The following CSMD3 variants were observed in gnomAD, a reference collection of about 807,000 sequenced individuals.
CSMD3 encodes the protein CUB and Sushi multiple domains 3.
CSMD3 carries 177 observed loss-of-function variants against 435.2 expected under a neutral mutation model. That is an observed-to-expected ratio of 0.41 (90% CI 0.36 to 0.46). The LOEUF is 0.46. CSMD3 is among the 20% of genes least tolerant of loss of function. The pLI, the probability that CSMD3 is intolerant of heterozygous loss-of-function variation, is 0.34. For missense variants in CSMD3, 4,265 were observed against 4,504.6 expected, an observed-to-expected ratio of 0.95 and a Z score of 1.52; for synonymous variants, 1,656 against 1,520.5, an observed-to-expected ratio of 1.09 and a Z score of -2.07.
At position 112,479,912 on chromosome 8, in the gene CSMD3, G is replaced by T. The variant is rs564016966; in HGVS notation, c.5279-7205C>A. Among the ~76,000 whole-genome samples the T allele has an allele frequency of 7.8e-4, 118 of 152,252 alleles. No homozygotes were observed. The Middle Eastern group carries it at 0.01, about 13-fold the overall frequency. On this transcript the variant is annotated intron_variant, in intron 31 of 70. Transcript: ENST00000297405. ...CCAAGGCACTACCTTATGGAGTTGT[G>T]GGAAGTAGGCCACCACCCTCCAGAC...
At chr8:113,264,432 G>T (rs192736577) in intron 3 of CSMD3, among the ~76,000 whole-genome samples, 2 of 150,908 alleles carry the variant, frequency 1.3e-5, no homozygotes, top group Non-Finnish European at 3.0e-5. Flanking sequence ...GAAATTCATT[G>T]TGAAACAGGA....
chr8:112,878,969 G>A (rs908610006), intron 10 of CSMD3, among the ~76,000 whole-genome samples: 3 of 152,030 alleles, frequency 2.0e-5, no homozygotes, highest in South Asian at 2.1e-4. Context: ...TGATGATTGC[G>A]TTAACTGCAC....
At chr8:113,028,147 TCATAA>T (rs1234817012) in intron 5 of CSMD3, among the ~76,000 whole-genome samples, 1 of 152,122 alleles carries the variant, frequency 6.6e-6, no homozygotes, top group Non-Finnish European at 1.5e-5. Flanking sequence ...TTAATAATTC[TCATAA>T]CATGTCAAAA....
chr8:113,283,173 G>T (rs1851342), intron 2 of CSMD3, among the ~76,000 whole-genome samples: 1 of 151,894 alleles, frequency 6.6e-6, no homozygotes, highest in Non-Finnish European at 1.5e-5. Context: ...CATTGGCTTA[G>T]GCAAGGATTT....
At chr8:112,628,873 T>A (rs1384721773) in intron 22 of CSMD3, among the ~76,000 whole-genome samples, 1 of 152,088 alleles carries the variant, frequency 6.6e-6, no homozygotes, top group Non-Finnish European at 1.5e-5. Flanking sequence ...TAGGCCAAAT[T>A]ATGGAGTGGA....
rs563666111 is a variant in CSMD3, at chr8:113,395,747, A to G, written c.178+40930T>C. Among the ~76,000 whole-genome samples, 14 of 152,296 alleles carry G rather than the reference A, an allele frequency of 9.2e-5. No individual in the cohort carries two copies. The South Asian group carries it at 2.9e-3, about 32-fold the overall frequency. ...AATTTCCTGGCATTTAACTTTCTCT[A>G]ATTACAGAGCCTTCTGCCATCGTTG... On this transcript the variant is annotated intron_variant, in intron 1 of 70. Coordinates refer to ENST00000297405, the MANE Select transcript of CSMD3 (RefSeq NM_198123.2).
chr8:112,713,535 A>G (rs528105293), intron 13 of CSMD3, among the ~76,000 whole-genome samples: 1 of 152,238 alleles, frequency 6.6e-6, no homozygotes, highest in South Asian at 2.1e-4. Context: ...TCCCCATCCT[A>G]GCAAGAGAGG....
At chr8:112,894,425 A>G (rs1467502741) in intron 10 of CSMD3, among the ~76,000 whole-genome samples, 5 of 151,366 alleles carry the variant, frequency 3.3e-5, no homozygotes, top group African/African-American at 1.2e-4. Context: ...GTATAAAAAT[A>G]AAAGATAATA....
At chr8:113,161,642 C>T (rs1442671652) in intron 4 of CSMD3, among the ~76,000 whole-genome samples, 1 of 151,990 alleles carries the variant, frequency 6.6e-6, no homozygotes, top group Non-Finnish European at 1.5e-5. Context: ...GATACTTTTA[C>T]CGGAACAGTA....
intron 3 of CSMD3, among the ~76,000 whole-genome samples, chr8:113,217,947 A>T (rs2092924363): frequency 6.6e-6 from 1 of 151,282 alleles, no homozygotes; most frequent in Admixed American, 6.6e-5. Context: ...AAAAAAGTAA[A>T]CTCAGCTAGA....
At chr8:112,962,456 T>C (rs571001816) in intron 7 of CSMD3, among the ~76,000 whole-genome samples, 18 of 151,982 alleles carry the variant, frequency 1.2e-4, no homozygotes, top group Non-Finnish European at 2.1e-4. Context: ...AGTTAATGAC[T>C]TTCTTCAGAC....
chr8:112,645,147 A>T lies in CSMD3; in HGVS notation c.3272T>A (p.Leu1091Gln), dbSNP rs2131612605. 1 of 1,605,308 alleles carries T rather than the reference A, an allele frequency of 6.2e-7. No individual in the cohort carries two copies. Among genetic ancestry groups the T allele is most frequent in the Non-Finnish European group, 8.5e-7 (1 of 1,172,030 alleles). ...PGYPEFYPNS[L>Q]NCTWTVDVTH... ...TACATCAACAGTCCATGTACAATTC[A>T]GAGAATTTGGATAAAATTCCGGGTA... The change falls in exon 20 of 71, where the codon CTG (leucine) becomes CAG (glutamine). Residue 1091 changes from leucine to glutamine, a missense_variant. Transcript: ENST00000297405.
chr8:112,971,012 C>T (rs548478614), intron 7 of CSMD3, among the ~76,000 whole-genome samples: 6 of 152,232 alleles, frequency 3.9e-5, no homozygotes, highest in African/African-American at 9.6e-5. Flanking sequence ...TGGGCCACCA[C>T]GCCTGGCCTC....
chr8:112,982,813 G>C (rs1371969478), intron 6 of CSMD3, among the ~76,000 whole-genome samples: 2 of 151,892 alleles, frequency 1.3e-5, no homozygotes, highest in East Asian at 1.9e-4. Flanking sequence ...TAATATAAAA[G>C]TTTTGTATTT....
intron 3 of CSMD3, among the ~76,000 whole-genome samples, chr8:113,208,659 A>G (rs1337264950): frequency 1.3e-5 from 2 of 152,112 alleles, no homozygotes; most frequent in Non-Finnish European, 2.9e-5. Flanking sequence ...TGCATATCAC[A>G]TAAATAAAGA....
At chr8:113,249,074 G>A (rs2093309350) in intron 3 of CSMD3, among the ~76,000 whole-genome samples, 1 of 151,914 alleles carries the variant, frequency 6.6e-6, no homozygotes, top group Non-Finnish European at 1.5e-5. Context: ...TGTTCTCAAG[G>A]TAGTGAATAA....
At chr8:112,400,497 G>A (rs1455223532) in intron 35 of CSMD3, among the ~76,000 whole-genome samples, 1 of 152,132 alleles carries the variant, frequency 6.6e-6, no homozygotes, top group Non-Finnish European at 1.5e-5. Context: ...TGGATGCAGT[G>A]TAAGGATTCT....
At chr8:112,529,275 C>T (rs1825291373) in intron 27 of CSMD3, among the ~76,000 whole-genome samples, 1 of 152,054 alleles carries the variant, frequency 6.6e-6, no homozygotes, top group Admixed American at 6.6e-5. Context: ...ATAGTTTCCC[C>T]CAGTGGGTCA....
intron 5 of CSMD3, among the ~76,000 whole-genome samples, chr8:113,074,105 T>C (rs1445846872): frequency 6.6e-6 from 1 of 151,746 alleles, no homozygotes; most frequent in Non-Finnish European, 1.5e-5. Flanking sequence ...TTTAAGAAAT[T>C]ATTTGTAGAA....
Sources: gnomAD v4.1 joint callset for allele counts (sites outside exome capture counted in the v4.1 genomes callset) on GRCh38, gnomAD v4.1.1 for gene constraint, MANE v1.5 for transcripts, NCBI Gene and HGNC (gene_info 2026-07-23, HGNC 2026-07-21) for gene names.